The following NLRP11 variants were observed in gnomAD, a reference collection of about 807,000 sequenced individuals.
The protein encoded by NLRP11 is NACHT, LRR and PYD domains-containing protein 11.
Under a neutral mutation model 79.3 loss-of-function variants are expected in NLRP11, and 53 were observed. That is an observed-to-expected ratio of 0.67 (90% CI 0.54 to 0.84). The LOEUF is 0.84. Among genes scored for constraint, NLRP11 ranks in the 40% least tolerant of loss-of-function variants. The pLI is 0.00. For missense variants in NLRP11, 1,264 were observed against 1,255.0 expected, an observed-to-expected ratio of 1.01 and a Z score of -0.11; for synonymous variants, 518 against 462.6, an observed-to-expected ratio of 1.12 and a Z score of -1.54.
chr19:55,788,466 C>A (rs186433804), intron 9 of NLRP11, among the ~76,000 whole-genome samples: 4 of 150,758 alleles, frequency 2.7e-5, no homozygotes, highest in African/African-American at 4.9e-5. Context: ...CACAGCCAGG[C>A]GCGGTGGCTC....
chr19:55,836,051 G>A (rs1024047969), upstream of NLRP11, among the ~76,000 whole-genome samples: 5 of 152,238 alleles, frequency 3.3e-5, no homozygotes, highest in African/African-American at 1.2e-4. Context: ...TTGAACCCGG[G>A]AGGTGGAGGT....
At chr19:55,810,417 C>T in intron 2 of NLRP11, 79 bp from the exon 3 acceptor site, 1 of 1,302,080 alleles carries the variant, frequency 7.7e-7, no homozygotes, top group Non-Finnish European at 1.1e-6. Context: ...AGCTTCTTTT[C>T]ATGTTTACAG....
chr19:55,822,344 G>C (rs1600201960), intron 1 of NLRP11, among the ~76,000 whole-genome samples: 2 of 152,328 alleles, frequency 1.3e-5, no homozygotes, highest in African/African-American at 2.4e-5. Flanking sequence ...TTTACGTCAT[G>C]ACTGAAGATG....
At chr19:55,798,971 T>C (rs558153000) in intron 5 of NLRP11, among the ~76,000 whole-genome samples, 1 of 152,290 alleles carries the variant, frequency 6.6e-6, no homozygotes, top group Non-Finnish European at 1.5e-5. Context: ...AAAATTTGTC[T>C]AAGCCAGGCC....
At chr19:55,785,783 T>C (rs1014066502) in exon 10 of NLRP11, 1 of 1,614,120 alleles carries the variant, frequency 6.2e-7, no homozygotes, top group Admixed American at 1.7e-5. Flanking sequence ...AAAGACCAAG[T>C]TTCAGACAGA....
intron 4 of NLRP11, among the ~76,000 whole-genome samples, chr19:55,807,357 C>T (rs192364050): frequency 3.3e-5 from 5 of 152,252 alleles, no homozygotes; most frequent in East Asian, 1.9e-4. Flanking sequence ...CTGATTCTAA[C>T]GCATTCTGTA....
chr19:55,835,903 C>G (rs1983219022), upstream of NLRP11, among the ~76,000 whole-genome samples: 1 of 152,214 alleles, frequency 6.6e-6, no homozygotes, highest in African/African-American at 2.4e-5. Context: ...GCGGGCAGAT[C>G]ACTTGAGGTC....
intron 4 of NLRP11, among the ~76,000 whole-genome samples, chr19:55,802,238 C>T (rs1372307357): frequency 1.3e-5 from 2 of 152,202 alleles, no homozygotes; most frequent in East Asian, 1.9e-4. Flanking sequence ...TCACTGTTTG[C>T]AGATGACATG....
intron 5 of NLRP11, 117 bp downstream of exon 5, chr19:55,801,455 G>T (rs1234153526): frequency 2.7e-6 from 2 of 733,798 alleles, no homozygotes; most frequent in East Asian, 2.5e-5. Context: ...AAAAAATTGA[G>T]GAATGAGTGA....
At position 55,809,623 on chromosome 19, in the gene NLRP11, A is replaced by C. The variant is rs1376262799; in HGVS notation, c.987T>G (p.Asp329Glu). 2.5e-6 allele frequency: 4 copies of C among 1,614,186 alleles called. No homozygotes were observed. The highest frequency in any genetic ancestry group is 1.1e-5 in the South Asian group (1 of 91,084). Reference sequence around the variant, plus strand: ...CTCGGCACAGACCCACGAGTATTTCATCCTCATGTACAAGCTGGAGGGCTG... The same window carrying C: ...CTCGGCACAGACCCACGAGTATTTCCTCCTCATGTACAAGCTGGAGGGCTG... Residue 329 changes from aspartate (D) to glutamate (E), a missense_variant, in exon 3 of 10, where the codon GAT becomes GAG. Asp to Glu is a conservative substitution (Grantham distance 45). Transcript: ENST00000589093. The surrounding 1 kb of genome is among the most constrained non-coding windows in gnomAD (Gnocchi z 4.5).
intron 1 of NLRP11, among the ~76,000 whole-genome samples, chr19:55,831,108 C>A (rs191253005): frequency 0.011 from 994 of 93,066 alleles, 15 homozygotes; most frequent in African/African-American, 0.035. Context: ...CCACCCCCCC[C>A]ATCCCCCCCA....
chr19:55,834,840 A>T (rs1211173476), upstream of NLRP11, among the ~76,000 whole-genome samples: 1 of 152,206 alleles, frequency 6.6e-6, no homozygotes, highest in African/African-American at 2.4e-5. Flanking sequence ...TAATAAGTGA[A>T]AAGAATCAAG....
chr19:55,796,736 G>C (rs1357955969), intron 5 of NLRP11, among the ~76,000 whole-genome samples: 2 of 151,246 alleles, frequency 1.3e-5, no homozygotes, highest in Non-Finnish European at 2.9e-5. Flanking sequence ...GCCCAGGCTG[G>C]AGTGCAATGG....
At chr19:55,793,145 G>T (rs1369363239) in intron 6 of NLRP11, among the ~76,000 whole-genome samples, 1 of 152,150 alleles carries the variant, frequency 6.6e-6, no homozygotes, top group Non-Finnish European at 1.5e-5. Flanking sequence ...CTCCCAAAGT[G>T]CCGGAATTAT....
chr19:55,788,843 C>T, exon 9 of NLRP11: 1 of 1,611,378 alleles, frequency 6.2e-7, no homozygotes, highest in Non-Finnish European at 8.5e-7. Context: ...GCTGATCAAG[C>T]TCTCAAGAAG....
At chr19:55,834,271 A>G (rs917158668), upstream of NLRP11, among the ~76,000 whole-genome samples, 49 of 152,312 alleles carry the variant, frequency 3.2e-4, no homozygotes, top group Non-Finnish European at 7.1e-4. Flanking sequence ...ACTTTTTCAG[A>G]AAAGGTAAAG....
At position 55,815,152 on chromosome 19, in the gene NLRP11, A is replaced by G. The variant is rs569965669; in HGVS notation, c.271+2752T>C. On this transcript the variant is annotated intron_variant, in intron 2 of 9. Coordinates refer to ENST00000589093, the Ensembl canonical transcript of NLRP11. ...CCTTGTAATTATGGAGTATGTAAAT[A>G]TGGGTGACAAATGTTTTAAAAAGAA... Among the ~76,000 whole-genome samples the G allele has an allele frequency of 9.8e-5, 15 of 152,344 alleles. 1 individual carries two copies. The South Asian group carries it at 3.1e-3, about 32-fold the overall frequency.
chr19:55,819,046 G>C lies in NLRP11; in HGVS notation c.-62-810C>G, dbSNP rs544460985. On this transcript the variant is annotated intron_variant, in intron 1 of 9. Coordinates refer to ENST00000589093, the Ensembl canonical transcript of NLRP11. ...GCAATAGGTAAGTCCCCAGGGTCAAGATGACTGCAAGGTGCTACTGCCCTT... is the reference window on the plus strand; with the variant it reads ...GCAATAGGTAAGTCCCCAGGGTCAACATGACTGCAAGGTGCTACTGCCCTT... Among the ~76,000 whole-genome samples the C allele has an allele frequency of 1.2e-4, 18 of 151,704 alleles. No homozygotes were observed. In the South Asian group the frequency reaches 3.8e-3, roughly 32 times the overall value.
exon 3 of NLRP11, chr19:55,810,325 T>A: frequency 1.2e-6 from 2 of 1,609,204 alleles, no homozygotes; most frequent in Non-Finnish European, 1.7e-6. Flanking sequence ...CAGCTTTGCA[T>A]GCCTCCTGAT....
Sources: gnomAD v4.1 joint callset for allele counts (sites outside exome capture counted in the v4.1 genomes callset) on GRCh38, gnomAD v4.1.1 for gene constraint, Gnocchi (gnomAD v3.1) non-coding constraint, MANE v1.5 for transcripts, NCBI Gene and HGNC (gene_info 2026-07-23, HGNC 2026-07-21) for gene names.